GRM1: variants seen among roughly 807,000 people sequenced by gnomAD.
GRM1 encodes the protein metabotropic glutamate receptor 1.
In GRM1, 33 loss-of-function variants were observed where a neutral mutation model predicts 90.9. The ratio of observed to expected loss-of-function variants is 0.36; its 90% CI spans 0.28 to 0.49. GRM1 has a LOEUF of 0.49. Among genes scored for constraint, GRM1 ranks in the 20% least tolerant of loss-of-function variants. GRM1 has a pLI of 0.99. For missense variants in GRM1, 1,190 were observed against 1,534.3 expected (o/e 0.78, Z 3.75); for synonymous variants, 700 against 613.2 (o/e 1.14, Z -2.09).
chr6:146,248,498 T>A (rs147105696), intron 2 of GRM1, among the ~76,000 whole-genome samples: 8 of 152,322 alleles, frequency 5.3e-5, no homozygotes, highest in African/African-American at 1.9e-4. Flanking sequence ...GCCCCACTGC[T>A]GCCATGTAAA....
chr6:146,229,051 A>G (rs1780356047), intron 2 of GRM1, among the ~76,000 whole-genome samples: 1 of 152,090 alleles, frequency 6.6e-6, no homozygotes, highest in Non-Finnish European at 1.5e-5. Flanking sequence ...AAGCTTATCC[A>G]TGTTAGCCTT....
Position 146,029,490 on chromosome 6 carries a change from G to A in GRM1, c.-28G>A, listed in dbSNP as rs1481404579. The A allele has an allele frequency of 6.4e-7, 1 of 1,570,048 alleles. No homozygotes were observed. The highest frequency in any genetic ancestry group is 8.8e-7 in the Non-Finnish European group (1 of 1,140,066). On this transcript the variant is annotated 5_prime_UTR_variant, in exon 1 of 8. Coordinates refer to ENST00000282753, the MANE Select transcript of GRM1 (RefSeq NM_001278064.2). ...CGGGACCAGCGTGGGAACGCGGCTG[G>A]CAGGCTGTGGACCTCGTCCTCACCA...
chr6:146,345,831 A>G (rs1428411525), intron 3 of GRM1, among the ~76,000 whole-genome samples: 2 of 152,094 alleles, frequency 1.3e-5, no homozygotes, highest in East Asian at 3.8e-4. Context: ...CAACAGTCTA[A>G]CTTCCCACAC....
intron 3 of GRM1, among the ~76,000 whole-genome samples, chr6:146,322,204 G>C (rs528250782): frequency 6.6e-6 from 1 of 152,314 alleles, no homozygotes; most frequent in East Asian, 1.9e-4. Flanking sequence ...TCCAGACCCT[G>C]TTTGCCTGGG....
chr6:146,340,482 C>T (rs928842087), intron 3 of GRM1: 4 of 152,342 alleles, frequency 2.6e-5, no homozygotes, highest in African/African-American at 4.8e-5. Context: ...TAGACAGAGT[C>T]AGGCATGGTT....
In GRM1 at chr6:146,340,935, C is replaced by T. The variant is rs542974722; in HGVS notation, c.1187-11315C>T. Among the ~76,000 whole-genome samples the T allele has an allele frequency of 1.9e-3, 287 of 152,258 alleles. 1 individual carries two copies. The highest frequency in any genetic ancestry group is 2.6e-3 in the Non-Finnish European group (178 of 68,014). ...CTGTGTTCAGTTCAGTTGGAGGATG[C>T]TACAAAACAACAGGCCCCAAAATAG... On this transcript the variant is annotated intron_variant, in intron 3 of 7. Transcript: ENST00000282753.
Position 146,436,041 on chromosome 6 carries a change from C to T in GRM1, c.*1245C>T, listed in dbSNP as rs1367600755. On this transcript the variant is annotated 3_prime_UTR_variant, in exon 8 of 8. Transcript: ENST00000282753. ...TCCTGTGTCCTTGTATATGTGCGAT[C>T]GTAAAATTTGTGCAATGTAATGTCA... 2.6e-5 allele frequency: 4 copies of T among 152,630 alleles called. No individual in the cohort carries two copies. Among genetic ancestry groups the T allele is most frequent in the Middle Eastern group, 3.4e-3 (1 of 294 alleles). The allele number at this position is 152,630 out of a possible 1,614,324, so 9.5% of individuals were successfully genotyped here.
intron 2 of GRM1, among the ~76,000 whole-genome samples, chr6:146,207,381 T>TA (rs1779532061): frequency 6.6e-6 from 1 of 152,210 alleles, no homozygotes; most frequent in African/African-American, 2.4e-5. Context: ...TGGCCACATG[T>TA]ATGTCTTCTT....
At chr6:146,226,553 A>G (rs947000317) in intron 2 of GRM1, among the ~76,000 whole-genome samples, 2 of 151,984 alleles carry the variant, frequency 1.3e-5, no homozygotes, top group African/African-American at 2.4e-5. Context: ...TGCTCAGAAC[A>G]TTATCTATGT....
intron 2 of GRM1, among the ~76,000 whole-genome samples, chr6:146,292,285 A>G (rs1337868303): frequency 2.0e-5 from 3 of 152,024 alleles, no homozygotes; most frequent in African/African-American, 7.2e-5. Context: ...AAGAAAAAAT[A>G]GATTAATTGG....
At chr6:146,415,303 C>T (rs1777739470) in intron 7 of GRM1, among the ~76,000 whole-genome samples, 1 of 152,196 alleles carries the variant, frequency 6.6e-6, no homozygotes, top group Admixed American at 6.5e-5. Flanking sequence ...ACCTAATTGC[C>T]TCCCAAGTGC....
intron 1 of GRM1, among the ~76,000 whole-genome samples, chr6:146,047,131 C>A (rs947034035): frequency 6.6e-6 from 1 of 151,938 alleles, no homozygotes; most frequent in African/African-American, 2.4e-5. Flanking sequence ...GTTGGAAAAG[C>A]GGACCCAGAT....
At chr6:146,226,705 G>A (rs1197560179) in intron 2 of GRM1, among the ~76,000 whole-genome samples, 1 of 152,070 alleles carries the variant, frequency 6.6e-6, no homozygotes. Flanking sequence ...TAGGTGGATG[G>A]TTTGACCAAT....
intron 1 of GRM1, among the ~76,000 whole-genome samples, chr6:146,078,075 T>G (rs1378255001): frequency 1.3e-5 from 2 of 152,194 alleles, no homozygotes; most frequent in Non-Finnish European, 2.9e-5. Context: ...CAACAAAATA[T>G]AAGCAAAAGA....
chr6:146,038,912 C>CAGCTT (rs1207543311), intron 1 of GRM1, among the ~76,000 whole-genome samples: 1 of 151,832 alleles, frequency 6.6e-6, no homozygotes, highest in Non-Finnish European at 1.5e-5. Flanking sequence ...ATAGTGGAAA[C>CAGCTT]AGCTTATAAT....
intron 1 of GRM1, among the ~76,000 whole-genome samples, chr6:146,077,362 A>G (rs1158684676): frequency 6.6e-6 from 1 of 152,186 alleles, no homozygotes; most frequent in East Asian, 1.9e-4. Context: ...GGTTAGCTCC[A>G]CCTTGGTGGT....
At position 146,286,365 on chromosome 6, in the gene GRM1, T is replaced by G. The variant is rs182908850; in HGVS notation, c.951-18246T>G. ...AAATGATATTTTATTTTTAAAGAAT[T>G]TCACATTTAAATAGCATGTGACTTT... On this transcript the variant is annotated intron_variant, in intron 2 of 7. Coordinates refer to ENST00000282753, the MANE Select transcript of GRM1 (RefSeq NM_001278064.2). 2.4e-3 allele frequency among the ~76,000 whole-genome samples: 364 copies of G among 152,314 alleles called. 6 individuals carry two copies. The highest frequency in any genetic ancestry group is 0.021 in the Admixed American group (317 of 15,294).
chr6:146,287,388 C>A (rs993133457), intron 2 of GRM1, among the ~76,000 whole-genome samples: 1 of 152,082 alleles, frequency 6.6e-6, no homozygotes, highest in African/African-American at 2.4e-5. Context: ...AATTATTTCA[C>A]CACATTTAGG....
intron 3 of GRM1, among the ~76,000 whole-genome samples, chr6:146,349,636 G>A (rs761108987): frequency 6.6e-6 from 1 of 151,644 alleles, no homozygotes; most frequent in African/African-American, 2.4e-5. Flanking sequence ...TTAATTTTTA[G>A]AAATTTTCTA....
Sources: gnomAD v4.1 joint callset for allele counts (sites outside exome capture counted in the v4.1 genomes callset) on GRCh38, gnomAD v4.1.1 for gene constraint, MANE v1.5 for transcripts, NCBI Gene and HGNC (gene_info 2026-07-23, HGNC 2026-07-21) for gene names.